Variants in ACOT7 observed in about 807,000 individuals in gnomAD.
ACOT7 encodes the protein cytosolic acyl coenzyme A thioester hydrolase.
Under a neutral mutation model 40.2 loss-of-function variants are expected in ACOT7, and 12 were observed. The observed-to-expected ratio is 0.30, with a 90% CI of 0.19 to 0.48. ACOT7 has a LOEUF of 0.48. Ranked by LOEUF, ACOT7 falls within the 20% of genes least tolerant of loss-of-function variation. The pLI, the probability that ACOT7 is intolerant of heterozygous loss-of-function variation, is 0.99. For synonymous variants in ACOT7, 228 were observed against 219.5 expected (o/e 1.04, Z -0.34); for missense variants, 395 against 530.8 (o/e 0.74, Z 2.51).
At position 6,277,777 on chromosome 1, in the gene ACOT7, C is replaced by T. The variant is rs527462819; in HGVS notation, c.1014+3325G>A. 1.2e-4 allele frequency among the ~76,000 whole-genome samples: 19 copies of T among 152,338 alleles called. No homozygotes were observed. In the South Asian group the frequency reaches 2.5e-3, roughly 20 times the overall value. On this transcript the variant is annotated intron_variant, in intron 8 of 8. Transcript: ENST00000361521. ...TCCCCTCATTCCCTGCTGTCTTCTT[C>T]GTGACCCTGGACACCATTCAACTTC...
Position 6,311,972 on chromosome 1 carries a change from T to A in ACOT7, c.712+6520A>T, listed in dbSNP as rs190330125. On this transcript the variant is annotated intron_variant, in intron 6 of 8. Transcript: ENST00000361521. The surrounding 1 kb of genome is among the most constrained non-coding windows in gnomAD (Gnocchi z 5.2). ...TTAAGAGTTCCCCAAGTGACCTTAATAGGCAGCAGAGACGAGGTCACAGAT... is the reference window on the plus strand; with the variant it reads ...TTAAGAGTTCCCCAAGTGACCTTAAAAGGCAGCAGAGACGAGGTCACAGAT... Among the ~76,000 whole-genome samples the A allele has an allele frequency of 3.3e-5, 5 of 152,144 alleles. No individual in the cohort carries two copies. Among genetic ancestry groups the A allele is most frequent in the Non-Finnish European group, 7.4e-5 (5 of 67,994 alleles).
Position 6,352,455 on chromosome 1 carries a change from C to A in ACOT7, c.144-2589G>T, listed in dbSNP as rs917764860. On this transcript the variant is annotated intron_variant, in intron 1 of 8. Coordinates refer to ENST00000361521, the MANE Select transcript of ACOT7 (RefSeq NM_007274.4). The surrounding 1 kb of genome is among the most constrained non-coding windows in gnomAD (Gnocchi z 4.5). ...ACAGCTCTGTCACTCTCTCAGGCCC[C>A]GCCCCATGGCCTGGCCAAGGCCAAC... is the stretch of plus-strand genomic sequence containing the variant. Among the ~76,000 whole-genome samples the A allele has an allele frequency of 6.6e-6, 1 of 152,364 alleles. No homozygotes were observed. The highest frequency in any genetic ancestry group is 2.4e-5 in the African/African-American group (1 of 41,586).
At position 6,358,429 on chromosome 1, in the gene ACOT7, C is replaced by T. The variant is rs914784460; in HGVS notation, c.144-8563G>A. 6.6e-6 allele frequency among the ~76,000 whole-genome samples: 1 copy of T among 152,202 alleles called. No homozygotes were observed. The highest frequency in any genetic ancestry group is 1.5e-5 in the Non-Finnish European group (1 of 68,032). The stretch of plus-strand genomic sequence containing the variant: ...TGCAGCCCACAGACCCCCCCTCCAC[C>T]GCAGGTAGGAAGCTCAGCAGCGCTG... On this transcript the variant is annotated intron_variant, in intron 1 of 8. Coordinates refer to ENST00000361521, the MANE Select transcript of ACOT7 (RefSeq NM_007274.4). The surrounding 1 kb of genome is among the most constrained non-coding windows in gnomAD (Gnocchi z 4.1).
In ACOT7 at chr1:6,288,117, G is replaced by T. The variant is rs1399742672; in HGVS notation, c.829+6747C>A. On this transcript the variant is annotated intron_variant, in intron 7 of 8. Transcript: ENST00000361521. This position sits in a 1 kb window ranked among gnomAD's most constrained non-coding sequence, Gnocchi z 4.3. ...GCAAGTGACCCCACAGCTCCCATTAGGGGCTCCACTGCTTGCCTGGGGGGC... is the reference window on the plus strand; with the variant it reads ...GCAAGTGACCCCACAGCTCCCATTATGGGCTCCACTGCTTGCCTGGGGGGC... Among the ~76,000 whole-genome samples, 1 of 152,088 alleles carries T rather than the reference G, an allele frequency of 6.6e-6. No homozygotes were observed. The highest frequency in any genetic ancestry group is 1.5e-5 in the Non-Finnish European group (1 of 68,008).
chr1:6,333,839 C>G (rs1641027865), intron 3 of ACOT7, among the ~76,000 whole-genome samples: 1 of 152,116 alleles, frequency 6.6e-6, no homozygotes, highest in Non-Finnish European at 1.5e-5. Context: ...GGGGCCCACC[C>G]CCATCACAAG....
intron 4 of ACOT7, among the ~76,000 whole-genome samples, chr1:6,331,630 C>A (rs78744020): frequency 0.027 from 4,094 of 152,292 alleles, 201 homozygotes; most frequent in African/African-American, 0.094. Context: ...CGACCCTGAG[C>A]CCCCGCCCAC....
chr1:6,372,852 C>T (rs920688100), intron 1 of ACOT7, among the ~76,000 whole-genome samples: 11 of 152,082 alleles, frequency 7.2e-5, no homozygotes, highest in Non-Finnish European at 1.0e-4. Context: ...GCCTGGCCTC[C>T]GGCTTTTGGC....
rs760234992 is a variant in ACOT7 at position 6,281,281 on chromosome 1, C to T, written c.835G>A (p.Val279Ile). 9.9e-6 allele frequency: 16 copies of T among 1,613,734 alleles called. No individual in the cohort carries two copies. The highest frequency in any genetic ancestry group is 2.7e-5 in the African/African-American group (2 of 74,904). Residue 279 changes from valine (V) to isoleucine (I), a missense_variant, in exon 8 of 9, where the codon GTC (valine) becomes ATC (isoleucine). By Grantham distance (29) the Val-to-Ile change is conservative (BLOSUM62 3). Around this residue, in one of 2 missense-constraint regions of ACOT7, gnomAD observed 309 missense variants for 470.3 expected, o/e 0.66. Transcript: ENST00000361521. ...NFHDKIRKGC[V>I]ITISGRMTFT... ...GTCATGCGTCCCGAGATGGTGATGA[C>T]GCAGCCTGTGGAGAAGGGAGGGCGG... is the stretch of plus-strand genomic sequence containing the variant.
chr1:6,331,877 G>T (rs1640962411), intron 4 of ACOT7, among the ~76,000 whole-genome samples: 1 of 152,232 alleles, frequency 6.6e-6, no homozygotes, highest in Non-Finnish European at 1.5e-5. Flanking sequence ...GTCAGACACG[G>T]AGCTGGGGAC....
chr1:6,379,147 G>A (rs1306265449), intron 1 of ACOT7, among the ~76,000 whole-genome samples: 1 of 151,908 alleles, frequency 6.6e-6, no homozygotes, highest in Non-Finnish European at 1.5e-5. Context: ...GCCCACCTCG[G>A]TCTCCCAAAG....
At chr1:6,298,291 T>C (rs1355220250) in intron 6 of ACOT7, among the ~76,000 whole-genome samples, 1 of 152,200 alleles carries the variant, frequency 6.6e-6, no homozygotes, top group Non-Finnish European at 1.5e-5. Flanking sequence ...CCCGTCACCA[T>C]GCCCAGCTAA....
chr1:6,382,471 CAT>C (rs1287194934), intron 1 of ACOT7, among the ~76,000 whole-genome samples: 1 of 151,784 alleles, frequency 6.6e-6, no homozygotes, highest in Non-Finnish European at 1.5e-5. Context: ...GCCTGGGAAA[CAT>C]AGTGAGACGT....
chr1:6,328,028 T>C (rs2235694), intron 4 of ACOT7, among the ~76,000 whole-genome samples: 13,146 of 152,158 alleles, frequency 0.086, 977 homozygotes, highest in African/African-American at 0.19. Flanking sequence ...CGCCTCAGCC[T>C]CCCAAAGTGC....
intron 1 of ACOT7, among the ~76,000 whole-genome samples, chr1:6,371,117 A>G (rs1199451749): frequency 2.0e-5 from 3 of 152,052 alleles, no homozygotes; most frequent in Non-Finnish European, 4.4e-5. Flanking sequence ...CCTGATCAGT[A>G]TTATTTTGAA....
At chr1:6,276,696 C>G (rs1422354112) in intron 8 of ACOT7, among the ~76,000 whole-genome samples, 1 of 151,914 alleles carries the variant, frequency 6.6e-6, no homozygotes, top group African/African-American at 2.4e-5. Flanking sequence ...GCTCCCAGCC[C>G]AGAACTCGTG....
At chr1:6,303,560 T>C (rs1466914043) in intron 6 of ACOT7, among the ~76,000 whole-genome samples, 2 of 152,220 alleles carry the variant, frequency 1.3e-5, no homozygotes, top group Non-Finnish European at 2.9e-5. Context: ...TCGGAGCCCG[T>C]GTGCCGCTGT....
intron 2 of ACOT7, among the ~76,000 whole-genome samples, chr1:6,346,852 C>T (rs1641440012): frequency 6.6e-6 from 1 of 152,106 alleles, no homozygotes; most frequent in Non-Finnish European, 1.5e-5. Flanking sequence ...GCTCCCAGAG[C>T]CTCATGAGTT....
chr1:6,383,051 G>C lies in ACOT7; in HGVS notation c.143+10206C>G, dbSNP rs771275489. ...GGGCTACCACGCCCAGCTATTTTTC[G>C]TATTTGTAGTAGAGACGGGGTTTCA... On this transcript the variant is annotated intron_variant, in intron 1 of 8. Transcript: ENST00000361521. 1.4e-5 allele frequency among the ~76,000 whole-genome samples: 2 copies of C among 147,716 alleles called. 1 individual carries two copies. Among genetic ancestry groups the C allele is most frequent in the South Asian group, 4.2e-4 (2 of 4,774 alleles).
chr1:6,300,747 TGTGTG>T (rs1639949057), intron 6 of ACOT7, among the ~76,000 whole-genome samples: 2 of 138,666 alleles, frequency 1.4e-5, no homozygotes, highest in African/African-American at 2.7e-5. Context: ...CCTATCCTGA[TGTGTG>T]GCCGGCCCCT....
Sources: gnomAD v4.1 joint callset for allele counts (sites outside exome capture counted in the v4.1 genomes callset) on GRCh38, gnomAD v4.1.1 for gene constraint, gnomAD v4.1.1 regional missense constraint, Gnocchi (gnomAD v3.1) non-coding constraint, MANE v1.5 for transcripts, NCBI Gene and HGNC (gene_info 2026-07-23, HGNC 2026-07-21) for gene names.